The following CUBN variants were observed in gnomAD, a reference collection of about 807,000 sequenced individuals.
CUBN encodes the protein cubilin.
CUBN carries 282 observed loss-of-function variants against 405.3 expected under a neutral mutation model. The observed-to-expected ratio is 0.70, with a 90% confidence interval of 0.63 to 0.77. CUBN has a LOEUF of 0.77. CUBN is among the 30% of genes least tolerant of loss of function. The pLI is 0.00. For missense variants in CUBN, 4,514 were observed against 4,475.2 expected, an observed-to-expected ratio of 1.01 and a Z score of -0.25; for synonymous variants, 1,684 against 1,617.0, an observed-to-expected ratio of 1.04 and a Z score of -0.99.
rs769632459 is a variant in CUBN, at chr10:16,928,121, G to A, written c.6271+36C>T. 1.1e-5 allele frequency: 17 copies of A among 1,603,830 alleles called. No individual in the cohort carries two copies. The South Asian group carries it at 1.2e-4, about 11-fold the overall frequency. On this transcript the variant is annotated intron_variant, in intron 41 of 66. Coordinates refer to ENST00000377833, the MANE Select transcript of CUBN (RefSeq NM_001081.4). Reference sequence around the variant, plus strand: ...AGAGAGAGGAAAAGAGAGGAGATGAGATAACATGGGATTAAAAAATATTTG... The same window carrying A: ...AGAGAGAGGAAAAGAGAGGAGATGAAATAACATGGGATTAAAAAATATTTG...
Position 16,890,386 on chromosome 10 carries a change from C to T in CUBN, c.8740G>A (p.Ala2914Thr), listed in dbSNP as rs759875994. The T allele has an allele frequency of 1.5e-5, 25 of 1,613,236 alleles. No homozygotes were observed. Among genetic ancestry groups the T allele is most frequent in the Non-Finnish European group, 2.0e-5 (24 of 1,180,042 alleles). ...SQEAPAQGFS[A>T]SFVSRCGSNF... The stretch of plus-strand genomic sequence containing the variant: ...GGCTACTTACGGCTAACAAAGGACG[C>T]GGAGAAGCCCTGAGCTGGTGCCTCC... The change falls in exon 55 of 67, where the codon GCG (alanine) becomes ACG (threonine). Residue 2914 changes from alanine to threonine, a missense_variant. Physicochemically the swap from Ala to Thr is moderately conservative, Grantham distance 58. Transcript: ENST00000377833.
chr10:16,915,295 T>G (rs1841852693), intron 46 of CUBN, 123 bp from the exon 47 acceptor site: 1 of 1,141,652 alleles, frequency 8.8e-7, no homozygotes, highest in African/African-American at 1.5e-5. Flanking sequence ...TGAAGAAACG[T>G]TAATCTCTGT....
At chr10:16,930,264 G>C (rs1276721) in intron 40 of CUBN, among the ~76,000 whole-genome samples, 127,052 of 152,222 alleles carry the variant, frequency 0.83, 53,210 homozygotes, top group East Asian at 0.98. Context: ...TGAGCAATTA[G>C]TATATACCCC....
intron 65 of CUBN, among the ~76,000 whole-genome samples, chr10:16,829,777 G>C (rs759588647): frequency 6.6e-6 from 1 of 151,988 alleles, no homozygotes; most frequent in Non-Finnish European, 1.5e-5. Flanking sequence ...CCTCAGTCTA[G>C]TGGAGCATTT....
At chr10:17,065,429 T>C in intron 22 of CUBN, 79 bp downstream of exon 22, 1 of 1,567,442 alleles carries the variant, frequency 6.4e-7, no homozygotes. Flanking sequence ...GCGGATGATG[T>C]ATTCTCATTG....
chr10:16,938,208 A>G (rs1185521257), intron 38 of CUBN, among the ~76,000 whole-genome samples: 1 of 152,176 alleles, frequency 6.6e-6, no homozygotes, highest in Non-Finnish European at 1.5e-5. Context: ...GTGGACAGGT[A>G]TCCTAAAGGA....
chr10:16,940,620 G>T (rs548966070), intron 36 of CUBN, among the ~76,000 whole-genome samples: 1 of 152,300 alleles, frequency 6.6e-6, no homozygotes, highest in East Asian at 1.9e-4. Flanking sequence ...AAGACTTTTT[G>T]AGATGGAAAT....
At position 17,043,885 on chromosome 10, in the gene CUBN, T is replaced by A. The variant is rs775617143; in HGVS notation, c.3771A>T (p.Ile1257=). The A allele has an allele frequency of 6.2e-7, 1 of 1,613,708 alleles. No individual in the cohort carries two copies. The highest frequency in any genetic ancestry group is 1.1e-5 in the South Asian group (1 of 91,084). The part of the protein sequence containing the change: ...LIRSSGDSMF[I]KLRTDEGQQG... ...GCTGACCTTCATCTGTCCTCAGTTT[T>A]ATAAACATGCTGTCTCCACTAGAAC... The change falls in exon 26 of 67, where the codon ATA becomes ATT. Residue 1257 remains isoleucine (I), a synonymous_variant. Coordinates refer to ENST00000377833, the MANE Select transcript of CUBN (RefSeq NM_001081.4).
chr10:16,840,985 A>G lies in CUBN; in HGVS notation c.9726T>C (p.Pro3242=), dbSNP rs1839330490. 2 of 1,614,076 alleles carry G rather than the reference A, an allele frequency of 1.2e-6. No homozygotes were observed. Among genetic ancestry groups the G allele is most frequent in the East Asian group, 2.2e-5 (1 of 44,870 alleles). Reference sequence around the variant, plus strand: ...AGTTACCAGAAGAGATAAAAGGAGCAGGTACTGTGGAACCACAAAACGTTC... The same window carrying G: ...AGTTACCAGAAGAGATAAAAGGAGCGGGTACTGTGGAACCACAAAACGTTC... ...LAGTFCGSTV[P]APFISSGNFL... The change falls in exon 61 of 67, where the codon CCT becomes CCC. Residue 3242 remains proline (P), a synonymous_variant. Transcript: ENST00000377833.
rs1037460261 is a variant in CUBN, at chr10:16,942,182, A to G, written c.5343-1945T>C. On this transcript the variant is annotated intron_variant, in intron 36 of 66. Transcript: ENST00000377833. ...CAAGATCAATTGTTGACAAGCGTGC[A>G]AAGCAACTGAAGTCTTATATATTCC... Among the ~76,000 whole-genome samples the G allele has an allele frequency of 5.8e-4, 89 of 152,222 alleles. 5 individuals carry two copies. The highest frequency in any genetic ancestry group is 5.9e-5 in the Non-Finnish European group (4 of 68,038).
At chr10:17,037,131 A>C (rs17347211) in intron 27 of CUBN, among the ~76,000 whole-genome samples, 70,133 of 152,078 alleles carry the variant, frequency 0.46, 19,302 homozygotes, top group East Asian at 0.67. Flanking sequence ...TAGTAGTTTG[A>C]ATAGTGCTAT....
chr10:17,048,790 T>C (rs915691860), intron 22 of CUBN, among the ~76,000 whole-genome samples: 4 of 152,126 alleles, frequency 2.6e-5, no homozygotes, highest in African/African-American at 9.7e-5. Context: ...ATAATAATAA[T>C]AAGGATGTTT....
At chr10:16,994,734 AAAAT>A (rs796416592) in intron 28 of CUBN, among the ~76,000 whole-genome samples, 2 of 152,344 alleles carry the variant, frequency 1.3e-5, no homozygotes, top group South Asian at 4.1e-4. Flanking sequence ...TTCATAATCT[AAAAT>A]AGATGACAAT....
chr10:17,095,112 C>T (rs970122343), intron 14 of CUBN, among the ~76,000 whole-genome samples: 1 of 151,838 alleles, frequency 6.6e-6, no homozygotes, highest in Non-Finnish European at 1.5e-5. Context: ...ATATATTATG[C>T]TGAATTGATT....
chr10:17,034,986 C>T (rs960875482), intron 27 of CUBN, among the ~76,000 whole-genome samples: 3 of 151,862 alleles, frequency 2.0e-5, no homozygotes, highest in African/African-American at 7.3e-5. Flanking sequence ...ACAGTGATCA[C>T]CTTGCCTTAA....
intron 28 of CUBN, among the ~76,000 whole-genome samples, chr10:16,990,916 T>G (rs1326994555): frequency 6.6e-6 from 1 of 152,220 alleles, no homozygotes; most frequent in East Asian, 1.9e-4. Context: ...CCCTGGGCCT[T>G]CAGTGTCCTT....
At chr10:17,045,755 C>A (rs1233878462) in intron 24 of CUBN, among the ~76,000 whole-genome samples, 179 bp downstream of exon 24, 1 of 152,150 alleles carries the variant, frequency 6.6e-6, no homozygotes. Context: ...GAAACTAGAA[C>A]TTTCTCCCTT....
intron 8 of CUBN, among the ~76,000 whole-genome samples, chr10:17,111,915 C>T (rs1419894216): frequency 6.6e-6 from 1 of 152,120 alleles, no homozygotes; most frequent in East Asian, 1.9e-4. Flanking sequence ...GACTTTGTCT[C>T]AAAAACAAAA....
chr10:16,967,907 G>A (rs1400753320), intron 31 of CUBN, among the ~76,000 whole-genome samples: 1 of 149,790 alleles, frequency 6.7e-6, no homozygotes, highest in Non-Finnish European at 1.5e-5. Flanking sequence ...GGGAGAGAGA[G>A]GGGGAAAGAG....
Sources: allele counts gnomAD v4.1 joint callset (sites outside exome capture counted in the v4.1 genomes callset), GRCh38; gene constraint gnomAD v4.1.1; transcripts MANE v1.5; gene names NCBI Gene and HGNC (gene_info 2026-07-23, HGNC 2026-07-21).